Variants in SYTL2 observed in about 807,000 individuals in gnomAD.
The protein encoded by SYTL2 is synaptotagmin-like protein 2.
In SYTL2, 165 loss-of-function variants were observed where a neutral mutation model predicts 198.7. That is an observed-to-expected ratio of 0.83 (90% CI 0.73 to 0.94). The LOEUF is 0.94. Among genes scored for constraint, SYTL2 ranks in the 40% least tolerant of loss-of-function variants. SYTL2 has a pLI of 0.00. For missense variants in SYTL2, 2,835 were observed against 2,582.8 expected (o/e 1.10, Z -2.12); for synonymous variants, 966 against 917.7 (o/e 1.05, Z -0.95).
chr11:85,825,319 C>T, the SYTL2 span, among the ~76,000 whole-genome samples: 4 of 138,948 alleles, frequency 2.9e-5, no homozygotes, highest in Non-Finnish European at 4.6e-5. Flanking sequence ...ACCCGGGAGG[C>T]GGAGCTTGCA....
chr11:85,784,925 TACTC>T (rs1457188868), intron 1 of SYTL2, among the ~76,000 whole-genome samples: 1 of 152,138 alleles, frequency 6.6e-6, no homozygotes, highest in Non-Finnish European at 1.5e-5. Flanking sequence ...AATCACTAGT[TACTC>T]ACACCACAGC....
At chr11:85,704,596 G>C (rs186575055) in intron 16 of SYTL2, among the ~76,000 whole-genome samples, 1 of 152,198 alleles carries the variant, frequency 6.6e-6, no homozygotes, top group African/African-American at 2.4e-5. Flanking sequence ...TCAAAATTCA[G>C]CCAAATATTA....
chr11:85,709,871 T>C (rs1161219207), intron 13 of SYTL2, among the ~76,000 whole-genome samples: 2 of 152,090 alleles, frequency 1.3e-5, no homozygotes, highest in African/African-American at 2.4e-5. Context: ...TTAGTAGAGA[T>C]GGGGTTTCAC....
At chr11:85,708,921 C>G (rs770280412) in intron 14 of SYTL2, among the ~76,000 whole-genome samples, 1 of 144,108 alleles carries the variant, frequency 6.9e-6, no homozygotes, top group Non-Finnish European at 1.5e-5. Flanking sequence ...TCTCAGCTCA[C>G]TGCAAGCTCC....
the SYTL2 span, chr11:85,853,260 G>A: frequency 4.6e-6 from 2 of 431,974 alleles, no homozygotes; most frequent in African/African-American, 2.1e-5. Context: ...TCAGATTGTT[G>A]CCGTGTCTTG....
intron 12 of SYTL2, among the ~76,000 whole-genome samples, chr11:85,712,659 A>T (rs1466625861): frequency 6.6e-6 from 1 of 151,886 alleles, no homozygotes; most frequent in Non-Finnish European, 1.5e-5. Flanking sequence ...AAAATTAAAA[A>T]CCAGGAACTT....
chr11:85,773,623 C>T (rs1379082232), intron 1 of SYTL2, among the ~76,000 whole-genome samples: 1 of 151,906 alleles, frequency 6.6e-6, no homozygotes, highest in East Asian at 1.9e-4. Flanking sequence ...TGTTCATCTC[C>T]TCTGTATTTC....
chr11:85,838,036 C>A, the SYTL2 span, among the ~76,000 whole-genome samples: 1 of 152,228 alleles, frequency 6.6e-6, no homozygotes, highest in South Asian at 2.1e-4. Context: ...GCACCCCTTC[C>A]CCAGTCATGA....
chr11:85,704,601 A>G (rs553697765), intron 16 of SYTL2, among the ~76,000 whole-genome samples: 1 of 152,308 alleles, frequency 6.6e-6, no homozygotes, highest in South Asian at 2.1e-4. Flanking sequence ...ATTCAGCCAA[A>G]TATTAGGCTA....
Position 85,734,182 on chromosome 11 carries a change from T to G in SYTL2, c.1147A>C (p.Lys383Gln), listed in dbSNP as rs749585710. The change falls in exon 7 of 20, where the codon AAG (lysine) becomes CAG (glutamine). Residue 383 changes from lysine (K) to glutamine (Q), a missense_variant. By Grantham distance (53) the Lys-to-Gln change is moderately conservative (BLOSUM62 1). Around this residue, in one of 3 missense-constraint regions of SYTL2, gnomAD observed 2,645 missense variants for 2,381.7 expected, o/e 1.11. Coordinates refer to ENST00000359152, the MANE Select transcript of SYTL2 (RefSeq NM_206927.4). The stretch of plus-strand genomic sequence containing the variant: ...GAAGGCTTTCTGTATTGAGAAGGCT[T>G]AGGGTCACTCTGAAACTCTTCTGTG... ...GDTEEFQSDP[K>Q]PSQYRKPSLF... The G allele has an allele frequency of 6.2e-7, 1 of 1,614,178 alleles. No individual in the cohort carries two copies. Among genetic ancestry groups the G allele is most frequent in the Admixed American group, 1.7e-5 (1 of 60,030 alleles).
the SYTL2 span, among the ~76,000 whole-genome samples, chr11:85,836,849 T>C: frequency 6.6e-6 from 1 of 152,262 alleles, no homozygotes; most frequent in East Asian, 1.9e-4. Flanking sequence ...CACAGATACA[T>C]AGATAGATGA....
At chr11:85,843,313 A>G in the SYTL2 span, among the ~76,000 whole-genome samples, 1 of 152,190 alleles carries the variant, frequency 6.6e-6, no homozygotes, top group East Asian at 1.9e-4. Flanking sequence ...GGTTGCAGTG[A>G]GCCAAGATCA....
At chr11:85,822,563 G>C in the SYTL2 span, among the ~76,000 whole-genome samples, 1 of 152,186 alleles carries the variant, frequency 6.6e-6, no homozygotes, top group Non-Finnish European at 1.5e-5. Flanking sequence ...GGAAACTGCT[G>C]CTGCTAAGTT....
chr11:85,842,202 C>A, the SYTL2 span, among the ~76,000 whole-genome samples: 1 of 152,168 alleles, frequency 6.6e-6, no homozygotes, highest in African/African-American at 2.4e-5. Context: ...TGTGGTCACT[C>A]CAGTGGCTGC....
At chr11:85,844,434 A>T in the SYTL2 span, among the ~76,000 whole-genome samples, 1 of 152,200 alleles carries the variant, frequency 6.6e-6, no homozygotes, top group African/African-American at 2.4e-5. Context: ...TCCTTTCCAT[A>T]AACACAGTTC....
chr11:85,791,193 A>AAAC (rs2092726023), intron 1 of SYTL2, among the ~76,000 whole-genome samples: 7 of 150,220 alleles, frequency 4.7e-5, no homozygotes, highest in African/African-American at 1.7e-4. Context: ...AAAAAAAAAA[A>AAAC]AACAACCTTA....
the SYTL2 span, among the ~76,000 whole-genome samples, chr11:85,833,319 CACA>C: frequency 6.8e-6 from 1 of 147,290 alleles, no homozygotes; most frequent in Non-Finnish European, 1.5e-5. Context: ...CATATATATA[CACA>C]ATATATATCA....
At position 85,734,442 on chromosome 11, in the gene SYTL2, G is replaced by C; in HGVS notation, c.887C>G (p.Pro296Arg). 1 of 1,614,172 alleles carries C rather than the reference G, an allele frequency of 6.2e-7. No homozygotes were observed. Among genetic ancestry groups the C allele is most frequent in the Non-Finnish European group, 8.5e-7 (1 of 1,180,036 alleles). The change falls in exon 7 of 20, where the codon CCC becomes CGC. Residue 296 changes from proline (P) to arginine (R), a missense_variant. Pro to Arg is a moderately radical substitution (Grantham distance 103). This residue lies in a region of SYTL2 where 2,645 missense variants were observed against 2,381.7 expected (regional missense o/e 1.11). Coordinates refer to ENST00000359152, the MANE Select transcript of SYTL2 (RefSeq NM_206927.4). ...GCCAGGTGACACAATTTTGCTTTTG[G>C]GTTCAAAGTTGTGATTATAACGAAG... ...ETLRYNHNFEPKSKIVSPGLT... is the reference protein window; with the variant it reads ...ETLRYNHNFERKSKIVSPGLT...
At chr11:85,731,757 T>A (rs1453577824) in intron 7 of SYTL2, among the ~76,000 whole-genome samples, 1 of 152,154 alleles carries the variant, frequency 6.6e-6, no homozygotes, top group Non-Finnish European at 1.5e-5. Context: ...CTAAAGAGCT[T>A]CTTCATAGCA....
Sources: allele counts gnomAD v4.1 joint callset (sites outside exome capture counted in the v4.1 genomes callset), GRCh38; gene constraint gnomAD v4.1.1; regional missense constraint gnomAD v4.1.1; transcripts MANE v1.5; gene names NCBI Gene and HGNC (gene_info 2026-07-23, HGNC 2026-07-21).